Variants in DDX10 observed in about 807,000 individuals in gnomAD.
DDX10 encodes the protein DEAD-box helicase 10.
DDX10 carries 74 observed loss-of-function variants against 104.3 expected under a neutral mutation model. The observed-to-expected ratio is 0.71, with a 90% confidence interval of 0.59 to 0.86. DDX10 has a LOEUF of 0.86. DDX10 is among the 40% of genes least tolerant of loss of function. The pLI is 0.00. For missense variants in DDX10, 952 were observed against 1,040.0 expected (o/e 0.92, Z 1.16); for synonymous variants, 351 against 353.4 (o/e 0.99, Z 0.08).
intron 16 of DDX10, among the ~76,000 whole-genome samples, chr11:108,884,533 C>T (rs1738594633): frequency 1.3e-5 from 2 of 152,186 alleles, no homozygotes; most frequent in Admixed American, 1.3e-4. Flanking sequence ...TCTCTGTCTT[C>T]ATTCATCTCT....
In DDX10 at chr11:108,732,606, C is replaced by T. The variant is rs537771408; in HGVS notation, c.1965+9144C>T. ...CCTTTTCTGTTTGACGAGATCGATG[C>T]AGTGAAGGACAACAAGATTTTCTTA... On this transcript the variant is annotated intron_variant, in intron 13 of 17. Transcript: ENST00000322536. 7.9e-5 allele frequency among the ~76,000 whole-genome samples: 12 copies of T among 152,240 alleles called. No individual in the cohort carries two copies. The South Asian group carries it at 1.2e-3, about 16-fold the overall frequency.
intron 13 of DDX10, among the ~76,000 whole-genome samples, chr11:108,837,652 C>G (rs1337529595): frequency 1.1e-5 from 1 of 89,758 alleles, no homozygotes; most frequent in Non-Finnish European, 2.0e-5. Context: ...TAGGCAAAGC[C>G]TTGCTCTGTC....
Position 108,706,790 on chromosome 11 carries a change from T to C in DDX10, c.1275T>C (p.Ala425=), listed in dbSNP as rs760055959. Residue 425 remains alanine (A), a synonymous_variant, in exon 10 of 18, where the codon GCT becomes GCC. Transcript: ENST00000322536. ...TAATTTTGCTACCCTCAGAAAAAGCTATGGTGCAGCAGCTTCTTCAGAAGA... is the reference window on the plus strand; with the variant it reads ...TAATTTTGCTACCCTCAGAAAAAGCCATGGTGCAGCAGCTTCTTCAGAAGA... The part of the protein sequence containing the change: ...ALLILLPSEK[A]MVQQLLQKKV... 1.2e-6 allele frequency: 2 copies of C among 1,614,088 alleles called. No individual in the cohort carries two copies. Among genetic ancestry groups the C allele is most frequent in the Admixed American group, 1.7e-5 (1 of 60,014 alleles).
intron 13 of DDX10, among the ~76,000 whole-genome samples, chr11:108,826,104 A>T (rs560124320): frequency 2.6e-5 from 4 of 152,326 alleles, no homozygotes; most frequent in Admixed American, 6.5e-5. Flanking sequence ...TTTAGTATTT[A>T]AAAAGGTTTT....
chr11:108,688,874 G>T, intron 6 of DDX10, 62 bp from the exon 7 acceptor site: 4 of 1,545,354 alleles, frequency 2.6e-6, no homozygotes, highest in Admixed American at 1.9e-5. Flanking sequence ...TCCTTTTTTG[G>T]TCTGGATTTC....
intron 16 of DDX10, among the ~76,000 whole-genome samples, chr11:108,892,080 G>A (rs1169862503): frequency 2.0e-5 from 3 of 152,126 alleles, no homozygotes; most frequent in African/African-American, 7.2e-5. Context: ...CTGTAGTTCG[G>A]ATATTTGACC....
intron 16 of DDX10, among the ~76,000 whole-genome samples, chr11:108,879,090 G>T (rs534430281): frequency 6.6e-6 from 1 of 151,980 alleles, no homozygotes; most frequent in Non-Finnish European, 1.5e-5. Flanking sequence ...TGCAACCTCC[G>T]CCTCCCAGGT....
intron 16 of DDX10, among the ~76,000 whole-genome samples, chr11:108,900,673 G>C (rs925913656): frequency 6.6e-6 from 1 of 152,178 alleles, no homozygotes; most frequent in African/African-American, 2.4e-5. Context: ...TTTAGCAGAA[G>C]TAACTACCAC....
intron 1 of DDX10, 43 bp downstream of exon 1, chr11:108,665,382 G>A (rs747595876): frequency 2.6e-6 from 4 of 1,510,026 alleles, no homozygotes; most frequent in Non-Finnish European, 3.5e-6. Context: ...GGCCAGCAGC[G>A]GGGCAGCGTC....
chr11:108,909,627 G>T (rs1006625028), intron 16 of DDX10, among the ~76,000 whole-genome samples: 2 of 152,200 alleles, frequency 1.3e-5, no homozygotes, highest in African/African-American at 2.4e-5. Flanking sequence ...AGAGGGGCCT[G>T]TGGGAACCCG....
chr11:108,800,442 CAAAAAAAAAA>C (rs61200843), intron 13 of DDX10, among the ~76,000 whole-genome samples: 1 of 94,412 alleles, frequency 1.1e-5, no homozygotes. Context: ...GAGACTCTTT[CAAAAAAAAAA>C]AAAAAAAAAA....
intron 16 of DDX10, among the ~76,000 whole-genome samples, chr11:108,867,751 A>G (rs1421878583): frequency 6.6e-6 from 1 of 152,188 alleles, no homozygotes; most frequent in African/African-American, 2.4e-5. Flanking sequence ...GTGATGAAAC[A>G]TGATAATGGA....
chr11:108,766,955 A>G (rs1174562214), intron 13 of DDX10, among the ~76,000 whole-genome samples: 1 of 152,206 alleles, frequency 6.6e-6, no homozygotes, highest in African/African-American at 2.4e-5. Context: ...AATTATTTTG[A>G]GAACCCTTTT....
chr11:108,813,372 G>A (rs1299176713), intron 13 of DDX10, among the ~76,000 whole-genome samples: 1 of 152,108 alleles, frequency 6.6e-6, no homozygotes, highest in Non-Finnish European at 1.5e-5. Flanking sequence ...TATTTTATGA[G>A]TGAGCTATTT....
intron 13 of DDX10, among the ~76,000 whole-genome samples, chr11:108,743,618 G>C (rs1456814834): frequency 6.6e-6 from 1 of 152,190 alleles, no homozygotes; most frequent in African/African-American, 2.4e-5. Flanking sequence ...TAAGATCTCA[G>C]TGCTGTCCCA....
At chr11:108,907,190 A>C (rs199953739) in intron 16 of DDX10, among the ~76,000 whole-genome samples, 2 of 148,422 alleles carry the variant, frequency 1.3e-5, no homozygotes, top group Non-Finnish European at 3.0e-5. Context: ...AATGATGAGG[A>C]AAAAAATAAG....
chr11:108,917,774 A>G, intron 16 of DDX10, 99 bp from the exon 17 acceptor site: 3 of 1,178,152 alleles, frequency 2.5e-6, no homozygotes, highest in Non-Finnish European at 3.6e-6. Context: ...TAATCTGTGG[A>G]TGTCAATTAG....
At chr11:108,758,499 T>C (rs2094347087) in intron 13 of DDX10, among the ~76,000 whole-genome samples, 1 of 152,078 alleles carries the variant, frequency 6.6e-6, no homozygotes, top group African/African-American at 2.4e-5. Context: ...CAACACAAAG[T>C]TATCTTAGAG....
intron 12 of DDX10, among the ~76,000 whole-genome samples, chr11:108,720,317 A>G (rs1252329331): frequency 6.6e-6 from 1 of 152,224 alleles, no homozygotes; most frequent in African/African-American, 2.4e-5. Context: ...ACCAATAAGC[A>G]TTCTTTGAAA....
Sources: allele counts gnomAD v4.1 joint callset (sites outside exome capture counted in the v4.1 genomes callset), GRCh38; gene constraint gnomAD v4.1.1; transcripts MANE v1.5; gene names NCBI Gene and HGNC (gene_info 2026-07-23, HGNC 2026-07-21).